The following ZBTB16 variants were observed in gnomAD, a reference collection of about 807,000 sequenced individuals.
ZBTB16 encodes zinc finger and BTB domain-containing protein 16.
A neutral mutation model predicts 56.8 loss-of-function variants in ZBTB16; 8 were observed. The ratio of observed to expected loss-of-function variants is 0.14; its 90% CI spans 0.08 to 0.25. The LOEUF is 0.25. Among genes scored for constraint, ZBTB16 ranks in the 10% least tolerant of loss-of-function variants. ZBTB16 has a pLI of 1.00. For missense variants in ZBTB16, 625 were observed against 903.0 expected, an observed-to-expected ratio of 0.69 and a Z score of 3.95; for synonymous variants, 363 against 368.5, an observed-to-expected ratio of 0.98 and a Z score of 0.17.
At chr11:114,165,079 C>G (rs910700190) in intron 3 of ZBTB16, among the ~76,000 whole-genome samples, 3 of 152,130 alleles carry the variant, frequency 2.0e-5, no homozygotes, top group Non-Finnish European at 4.4e-5. Context: ...CTCCCTGCCT[C>G]CCTGCCTCCC....
rs1244434884 is a variant in ZBTB16 at position 114,254,490 on chromosome 11, T to C, written c.*3935T>C. Among the ~76,000 whole-genome samples the C allele has an allele frequency of 6.6e-6, 1 of 152,174 alleles. No homozygotes were observed. The highest frequency in any genetic ancestry group is 2.4e-5 in the African/African-American group (1 of 41,448). The stretch of plus-strand genomic sequence containing the variant: ...AATTGCTGTGGATGGAAGAGGGCCA[T>C]TGAGCTTACCTCCCTATAGGGGAGA... On this transcript the variant is annotated 3_prime_UTR_variant, in exon 7 of 7. Transcript: ENST00000335953.
In ZBTB16 at chr11:114,256,038, T is replaced by TG. The variant is rs1392827868; in HGVS notation, c.*5483_*5484insG. ...TTTTGTTTTGTTTTTTTTTTTTGTT[T>TG]TTTTTGCCTTTTCTTGTGTGGGGAA... On this transcript the variant is annotated 3_prime_UTR_variant, in exon 7 of 7. Coordinates refer to ENST00000335953, the MANE Select transcript of ZBTB16 (RefSeq NM_006006.6). 1.3e-5 allele frequency among the ~76,000 whole-genome samples: 2 copies of TG among 151,472 alleles called. No individual in the cohort carries two copies. Among genetic ancestry groups the TG allele is most frequent in the Non-Finnish European group, 2.9e-5 (2 of 67,866 alleles).
chr11:114,172,194 G>A (rs1228726102), intron 3 of ZBTB16, among the ~76,000 whole-genome samples: 2 of 152,216 alleles, frequency 1.3e-5, no homozygotes, highest in African/African-American at 2.4e-5. Context: ...TCCTGCGACC[G>A]CACACAGCTG....
intron 2 of ZBTB16, among the ~76,000 whole-genome samples, chr11:114,104,741 A>G (rs986855581): frequency 4.6e-5 from 7 of 152,230 alleles, no homozygotes; most frequent in African/African-American, 1.4e-4. Flanking sequence ...TAGCTTCTGC[A>G]TCATGTTTTC....
At chr11:114,173,267 A>G (rs1223205645) in intron 3 of ZBTB16, among the ~76,000 whole-genome samples, 1 of 152,228 alleles carries the variant, frequency 6.6e-6, no homozygotes, top group Non-Finnish European at 1.5e-5. Flanking sequence ...GAAGGGCTAA[A>G]AATAGACATG....
chr11:114,091,367 C>T (rs926444209), intron 2 of ZBTB16, among the ~76,000 whole-genome samples: 1 of 151,776 alleles, frequency 6.6e-6, no homozygotes, highest in African/African-American at 2.4e-5. Context: ...AAAACAACAA[C>T]AAAAAAAGCA....
At chr11:114,149,902 G>T (rs542316342) in intron 2 of ZBTB16, among the ~76,000 whole-genome samples, 1 of 152,262 alleles carries the variant, frequency 6.6e-6, no homozygotes, top group South Asian at 2.1e-4. Context: ...TTAGTGGTTA[G>T]GTATCCCTTT....
intron 2 of ZBTB16, among the ~76,000 whole-genome samples, chr11:114,094,813 G>A (rs769129072): frequency 3.3e-5 from 5 of 152,194 alleles, no homozygotes; most frequent in Non-Finnish European, 7.3e-5. Context: ...TGGAGTGGTC[G>A]TCAGCCGAAA....
chr11:114,191,259 C>G (rs139498242), intron 4 of ZBTB16, among the ~76,000 whole-genome samples: 17 of 152,222 alleles, frequency 1.1e-4, no homozygotes, highest in Middle Eastern at 3.4e-3. Flanking sequence ...ATAATAATAA[C>G]ATTTTGGTCA....
chr11:114,120,539 C>A (rs958246331), intron 2 of ZBTB16, among the ~76,000 whole-genome samples: 7 of 152,262 alleles, frequency 4.6e-5, no homozygotes, highest in African/African-American at 1.2e-4. Context: ...CTCCTTAGAT[C>A]ACTATCGTGT....
intron 3 of ZBTB16, among the ~76,000 whole-genome samples, chr11:114,169,978 G>A (rs551001730): frequency 6.6e-6 from 1 of 152,294 alleles, no homozygotes; most frequent in South Asian, 2.1e-4. Flanking sequence ...TAGCCACCTG[G>A]CAGAGACTTA....
intron 4 of ZBTB16, among the ~76,000 whole-genome samples, chr11:114,205,358 C>T (rs969914014): frequency 1.1e-4 from 16 of 150,716 alleles, no homozygotes; most frequent in African/African-American, 2.4e-4. Context: ...TGCAGTGAGC[C>T]GAGATCGCGC....
intron 2 of ZBTB16, among the ~76,000 whole-genome samples, chr11:114,088,541 T>C (rs2137717809): frequency 6.6e-6 from 1 of 152,296 alleles, no homozygotes; most frequent in Admixed American, 6.5e-5. Context: ...ACAGCCCCGC[T>C]TCGTCCACTG....
intron 4 of ZBTB16, among the ~76,000 whole-genome samples, chr11:114,220,118 G>A (rs1436953136): frequency 1.3e-5 from 2 of 152,232 alleles, no homozygotes; most frequent in African/African-American, 2.4e-5. Context: ...AGTGGACGGA[G>A]GGGTCGAGTT....
intron 2 of ZBTB16, among the ~76,000 whole-genome samples, chr11:114,113,082 T>C (rs1941071818): frequency 6.6e-6 from 1 of 152,166 alleles, no homozygotes; most frequent in Admixed American, 6.5e-5. Context: ...GCCCACACAC[T>C]TCATTTTTAT....
intron 2 of ZBTB16, among the ~76,000 whole-genome samples, chr11:114,078,714 C>A (rs1939656188): frequency 6.6e-6 from 1 of 151,774 alleles, no homozygotes; most frequent in South Asian, 2.1e-4. Flanking sequence ...GGGGGTTCCT[C>A]ACTCAAGAAG....
intron 4 of ZBTB16, among the ~76,000 whole-genome samples, chr11:114,191,825 A>G (rs2846023): frequency 0.05 from 7,543 of 152,270 alleles, 256 homozygotes; most frequent in East Asian, 0.11. Flanking sequence ...GATATAATAC[A>G]TATACACACA....
At chr11:114,207,585 C>CA (rs1228612227) in intron 4 of ZBTB16, among the ~76,000 whole-genome samples, 3 of 140,514 alleles carry the variant, frequency 2.1e-5, no homozygotes, top group South Asian at 2.3e-4. Flanking sequence ...CTGATACACA[C>CA]ACACAACACA....
chr11:114,177,946 A>T (rs1943156636), intron 3 of ZBTB16, among the ~76,000 whole-genome samples: 1 of 152,206 alleles, frequency 6.6e-6, no homozygotes, highest in African/African-American at 2.4e-5. Flanking sequence ...TAATTCACTC[A>T]TGTATTTTTA....
Sources: allele counts gnomAD v4.1 joint callset (sites outside exome capture counted in the v4.1 genomes callset), GRCh38; gene constraint gnomAD v4.1.1; transcripts MANE v1.5; gene names NCBI Gene and HGNC (gene_info 2026-07-23, HGNC 2026-07-21).